The following STAC variants were observed in gnomAD, a reference collection of about 807,000 sequenced individuals.
STAC encodes the protein SH3 and cysteine rich domain, also known as SH3 and cysteine-rich domain-containing protein.
STAC carries 43 observed loss-of-function variants against 48.8 expected under a neutral mutation model. The observed-to-expected ratio is 0.88, with a 90% CI of 0.69 to 1.14. STAC has a LOEUF of 1.14. Among genes scored for constraint, STAC ranks in the 50% most tolerant of loss-of-function variants. The probability of loss-of-function intolerance (pLI) is 0.00; values close to 1 mark genes in which losing one functional copy is unlikely to be tolerated. For missense variants in STAC, 497 were observed against 504.0 expected (o/e 0.99, Z 0.13); for synonymous variants, 193 against 179.5 (o/e 1.07, Z -0.60).
chr3:36,533,246 G>A (rs1398495267), intron 10 of STAC, among the ~76,000 whole-genome samples: 1 of 152,072 alleles, frequency 6.6e-6, no homozygotes, highest in African/African-American at 2.4e-5. Context: ...TTGATTCCAG[G>A]CACAGGCATC....
rs76706300 is a variant in STAC at position 36,456,181 on chromosome 3, A to G, written c.388+12541A>G. ...TTCAGCCTGTACCAGATCCTTTGCA[A>G]TCTAAGATCCAGACACCATCCCTTC... On this transcript the variant is annotated intron_variant, in intron 2 of 10. Coordinates refer to ENST00000273183, the MANE Select transcript of STAC (RefSeq NM_003149.3). 6.7e-4 allele frequency among the ~76,000 whole-genome samples: 102 copies of G among 152,228 alleles called. 1 individual carries two copies. In the East Asian group the frequency reaches 0.02, roughly 29 times the overall value.
chr3:36,433,438 A>G (rs1031550301), intron 1 of STAC, among the ~76,000 whole-genome samples: 2 of 152,208 alleles, frequency 1.3e-5, no homozygotes, highest in African/African-American at 2.4e-5. Context: ...CAGTTGAATT[A>G]TATGTTTTAA....
chr3:36,397,199 TG>T (rs1256971017), intron 1 of STAC, among the ~76,000 whole-genome samples: 1 of 152,206 alleles, frequency 6.6e-6, no homozygotes, highest in Non-Finnish European at 1.5e-5. Context: ...TAAGTCTTTT[TG>T]TCAGATACTG....
At chr3:36,453,918 G>C (rs926628502) in intron 2 of STAC, among the ~76,000 whole-genome samples, 2 of 152,178 alleles carry the variant, frequency 1.3e-5, no homozygotes, top group African/African-American at 4.8e-5. Flanking sequence ...TTGACACTCT[G>C]TATCTAGCTA....
Position 36,390,821 on chromosome 3 carries a change from T to C in STAC, c.111+10067T>C, listed in dbSNP as rs186147901. 5.8e-4 allele frequency among the ~76,000 whole-genome samples: 88 copies of C among 152,310 alleles called. 1 individual carries two copies. In the East Asian group the frequency reaches 0.015, roughly 27 times the overall value. On this transcript the variant is annotated intron_variant, in intron 1 of 10. Coordinates refer to ENST00000273183, the MANE Select transcript of STAC (RefSeq NM_003149.3). ...TACTCTCTTTGAATGTTTAAAAAAA[T>C]GCCAATAATATCTAAACCTGTCACC...
chr3:36,457,967 G>A (rs574423510), intron 2 of STAC, among the ~76,000 whole-genome samples: 5 of 152,250 alleles, frequency 3.3e-5, no homozygotes, highest in African/African-American at 7.2e-5. Flanking sequence ...GTCAGGAACC[G>A]AAATAGGAAA....
intron 1 of STAC, among the ~76,000 whole-genome samples, chr3:36,415,152 G>A (rs970671139): frequency 6.6e-6 from 1 of 152,224 alleles, no homozygotes; most frequent in Non-Finnish European, 1.5e-5. Context: ...TCGGTTCTCG[G>A]ATCTCAAGCT....
chr3:36,399,652 T>A (rs906492390), intron 1 of STAC, among the ~76,000 whole-genome samples: 3 of 152,292 alleles, frequency 2.0e-5, no homozygotes, highest in Non-Finnish European at 2.9e-5. Flanking sequence ...GCCTTAGTGA[T>A]CTTGTCCCCT....
intron 2 of STAC, among the ~76,000 whole-genome samples, chr3:36,456,306 T>G (rs770596762): frequency 1.4e-4 from 22 of 152,134 alleles, no homozygotes; most frequent in Non-Finnish European, 2.4e-4. Context: ...AAGAACTATA[T>G]CACTTTGCCT....
At position 36,441,060 on chromosome 3, in the gene STAC, A is replaced by G. The variant is rs142110865; in HGVS notation, c.112-2304A>G. Among the ~76,000 whole-genome samples the G allele has an allele frequency of 1.2e-4, 18 of 152,374 alleles. No individual in the cohort carries two copies. In the East Asian group the frequency reaches 3.5e-3, roughly 29 times the overall value. On this transcript the variant is annotated intron_variant, in intron 1 of 10. Transcript: ENST00000273183. ...TCACATCAGGGTAATTAGCATATCC[A>G]TAACATCAAACATTTATCATTTTTT...
chr3:36,520,509 A>G (rs1337317653), intron 8 of STAC, among the ~76,000 whole-genome samples: 2 of 152,188 alleles, frequency 1.3e-5, no homozygotes, highest in African/African-American at 2.4e-5. Flanking sequence ...TTCACCCTGC[A>G]AGGTTTCAAG....
intron 10 of STAC, among the ~76,000 whole-genome samples, chr3:36,544,780 C>T (rs6781771): frequency 0.12 from 17,509 of 152,190 alleles, 1,209 homozygotes; most frequent in Non-Finnish European, 0.15. Context: ...TAACATGACC[C>T]ATCAGCTACT....
intron 6 of STAC, among the ~76,000 whole-genome samples, chr3:36,497,239 G>A (rs1405135490): frequency 6.6e-6 from 1 of 152,196 alleles, no homozygotes; most frequent in African/African-American, 2.4e-5. Context: ...TTTGTATCAA[G>A]TTCAGGTAAA....
chr3:36,479,850 T>C (rs73827540), intron 2 of STAC, among the ~76,000 whole-genome samples: 4,729 of 152,332 alleles, frequency 0.031, 221 homozygotes, highest in African/African-American at 0.11. Context: ...CTTCTCCATA[T>C]CTTGCTACAA....
chr3:36,457,157 A>G (rs893569410), intron 2 of STAC, among the ~76,000 whole-genome samples: 3 of 152,218 alleles, frequency 2.0e-5, no homozygotes, highest in African/African-American at 7.2e-5. Flanking sequence ...ACAGTCATCA[A>G]CAGTGCCACA....
chr3:36,450,836 A>G (rs1210608702), intron 2 of STAC, among the ~76,000 whole-genome samples: 1 of 152,154 alleles, frequency 6.6e-6, no homozygotes, highest in Non-Finnish European at 1.5e-5. Context: ...GTGGCATCTC[A>G]TCCCATTTAA....
At chr3:36,483,794 T>A (rs1467877228) in intron 3 of STAC, among the ~76,000 whole-genome samples, 1 of 152,120 alleles carries the variant, frequency 6.6e-6, no homozygotes, top group Non-Finnish European at 1.5e-5. Context: ...TCTACAAAAA[T>A]TTAAAAATTA....
intron 2 of STAC, among the ~76,000 whole-genome samples, chr3:36,467,161 T>C (rs796189239): frequency 5.3e-5 from 8 of 152,322 alleles, no homozygotes; most frequent in African/African-American, 1.9e-4. Flanking sequence ...GACTTACATA[T>C]GTTAAACCAT....
chr3:36,489,896 G>A (rs966678800), intron 5 of STAC, among the ~76,000 whole-genome samples: 2 of 152,160 alleles, frequency 1.3e-5, no homozygotes, highest in African/African-American at 2.4e-5. Context: ...TGTGGTCTCC[G>A]GATCTGCAGC....
Sources: gnomAD v4.1 joint callset for allele counts (sites outside exome capture counted in the v4.1 genomes callset) on GRCh38, gnomAD v4.1.1 for gene constraint, MANE v1.5 for transcripts, NCBI Gene and HGNC (gene_info 2026-07-23, HGNC 2026-07-21) for gene names.